The following GFRA2 variants were observed in gnomAD, a reference collection of about 807,000 sequenced individuals.
The protein encoded by GFRA2 is GDNF family receptor alpha 2, also known as GDNF family receptor alpha-2.
In GFRA2, 17 loss-of-function variants were observed where a neutral mutation model predicts 48.3. The ratio of observed to expected loss-of-function variants is 0.35; its 90% CI spans 0.24 to 0.53. GFRA2 has a LOEUF of 0.53. GFRA2 is among the 20% of genes least tolerant of loss of function. The pLI, the probability that GFRA2 is intolerant of heterozygous loss-of-function variation, is 0.93. For missense variants in GFRA2, 660 were observed against 637.3 expected, an observed-to-expected ratio of 1.04 and a Z score of -0.38; for synonymous variants, 305 against 257.2, an observed-to-expected ratio of 1.19 and a Z score of -1.78.
intron 2 of GFRA2, among the ~76,000 whole-genome samples, chr8:21,777,591 G>A (rs977936962): frequency 2.6e-5 from 4 of 152,286 alleles, no homozygotes; most frequent in South Asian, 2.1e-4. Context: ...CTTCACCTTC[G>A]GACCAAAGAA....
intron 2 of GFRA2, among the ~76,000 whole-genome samples, chr8:21,778,213 A>G (rs111636748): frequency 0.064 from 9,510 of 148,164 alleles, 296 homozygotes; most frequent in Non-Finnish European, 0.073. Context: ...TTATCAAGGA[A>G]CAGGGAGGAA....
In GFRA2 at chr8:21,750,689, C is replaced by G. The variant is rs756617946; in HGVS notation, c.693G>C (p.Glu231Asp). 1.9e-6 allele frequency: 3 copies of G among 1,613,780 alleles called. No individual in the cohort carries two copies. Among genetic ancestry groups the G allele is most frequent in the Non-Finnish European group, 2.5e-6 (3 of 1,179,810 alleles). ...TGGGCAGGATGGTTTGCCGGCGGCG[C>G]TCAGCGCACGCCTGGTCTTGGCAGG... The part of the protein sequence containing the change: ...FCSCQDQACA[E>D]RRRQTILPSC... The change falls in exon 4 of 9, where the codon GAG becomes GAC. Residue 231 changes from glutamate to aspartate, a missense_variant. Coordinates refer to ENST00000524240, the MANE Select transcript of GFRA2 (RefSeq NM_001495.5). This position sits in a 1 kb window ranked among gnomAD's most constrained non-coding sequence, Gnocchi z 5.7.
chr8:21,761,957 AT>A (rs1805933400), intron 3 of GFRA2, among the ~76,000 whole-genome samples: 1 of 151,764 alleles, frequency 6.6e-6, no homozygotes, highest in African/African-American at 2.4e-5. Context: ...GTCTAAAAAA[AT>A]TAAAAAAATT....
chr8:21,807,910 GAT>G (rs1397726557), intron 1 of GFRA2, among the ~76,000 whole-genome samples: 1 of 152,168 alleles, frequency 6.6e-6, no homozygotes, highest in Non-Finnish European at 1.5e-5. Context: ...ACTGTGCTCT[GAT>G]AAGAAAAATT....
intron 4 of GFRA2, among the ~76,000 whole-genome samples, chr8:21,743,570 T>C (rs1038371228): frequency 3.3e-5 from 5 of 152,168 alleles, no homozygotes; most frequent in African/African-American, 9.7e-5. Context: ...CTCTACCTAC[T>C]TCATTAACTC....
chr8:21,802,865 A>G (rs1807795802), intron 2 of GFRA2, among the ~76,000 whole-genome samples: 1 of 152,222 alleles, frequency 6.6e-6, no homozygotes, highest in Non-Finnish European at 1.5e-5. Flanking sequence ...AGCTCTTCCC[A>G]GGAGGTACTT....
chr8:21,769,665 TCA>T (rs199901066), intron 3 of GFRA2, among the ~76,000 whole-genome samples: 33,087 of 151,828 alleles, frequency 0.22, 3,715 homozygotes, highest in Middle Eastern at 0.26. Flanking sequence ...AAGCACAGTG[TCA>T]CACACACACG....
upstream of GFRA2, chr8:21,790,061 C>T (rs1807520373): frequency 1.0e-6 from 1 of 985,034 alleles, no homozygotes; most frequent in African/African-American, 1.7e-5. Context: ...GTCGGTGGGC[C>T]GGGCTCACCG....
At chr8:21,725,212 C>A (rs1803805568) in intron 4 of GFRA2, among the ~76,000 whole-genome samples, 1 of 152,264 alleles carries the variant, frequency 6.6e-6, no homozygotes, top group South Asian at 2.1e-4. Context: ...TTCCTGACTT[C>A]CTCTTGAAGC....
chr8:21,782,369 C>T (rs976587711), intron 2 of GFRA2, among the ~76,000 whole-genome samples: 41 of 150,554 alleles, frequency 2.7e-4, no homozygotes, highest in African/African-American at 9.3e-4. Flanking sequence ...GTTGCTTCTG[C>T]CTCCTCTTTG....
chr8:21,713,927 T>TA (rs937359708), intron 4 of GFRA2, among the ~76,000 whole-genome samples: 5 of 151,826 alleles, frequency 3.3e-5, no homozygotes, highest in Admixed American at 6.6e-5. Flanking sequence ...GGCTTACCCA[T>TA]AAAAAAAAGC....
rs1806623545 is a variant in GFRA2 at position 21,774,955 on chromosome 8, A to C, written c.439+17T>G. 1.4e-6 allele frequency: 2 copies of C among 1,448,076 alleles called. No individual in the cohort carries two copies. The highest frequency in any genetic ancestry group is 1.9e-6 in the Non-Finnish European group (2 of 1,029,574). 89.7% of individuals were successfully genotyped at this position (1,448,076 alleles called of 1,614,324 possible). A position where few individuals can be genotyped will look rare whatever the true frequency, so the allele number is the denominator to read the frequency against. On this transcript the variant is annotated intron_variant, in intron 3 of 8. Transcript: ENST00000524240. ...ACGAGAGGAGAACGGGCCAAGTCCCAGTGCGAGCTCACTTACCTGAGAAGA... is the reference window on the plus strand; with the variant it reads ...ACGAGAGGAGAACGGGCCAAGTCCCCGTGCGAGCTCACTTACCTGAGAAGA...
Position 21,706,009 on chromosome 8 carries a change from C to G in GFRA2, c.827G>C (p.Arg276Pro), listed in dbSNP as rs1026794849. ...SRLADFHANC[R>P]ASYQTVTSCP... is the part of the protein sequence containing the mutation. ...GCTGGTGACCGTCTGGTAGGAGGCT[C>G]GACAATTGGCATGGAAGTCGGCCAG... The change falls in exon 5 of 9, where the codon CGA becomes CCA. Residue 276 changes from arginine (R) to proline (P), a missense_variant. Transcript: ENST00000524240. 4 of 1,578,354 alleles carry G rather than the reference C, an allele frequency of 2.5e-6. No homozygotes were observed. Among genetic ancestry groups the G allele is most frequent in the Non-Finnish European group, 3.4e-6 (4 of 1,161,838 alleles).
chr8:21,746,441 T>C (rs1378165239), intron 4 of GFRA2, among the ~76,000 whole-genome samples: 4 of 151,876 alleles, frequency 2.6e-5, no homozygotes, highest in African/African-American at 9.7e-5. Context: ...AAAGAGGGAT[T>C]GGAAGAATGC....
chr8:21,754,450 G>A (rs1306543890), intron 3 of GFRA2, among the ~76,000 whole-genome samples: 2 of 151,596 alleles, frequency 1.3e-5, no homozygotes, highest in Non-Finnish European at 2.9e-5. Context: ...GATGATCAAC[G>A]AAGACTAAGC....
At chr8:21,795,056 C>T (rs1221815558) in intron 2 of GFRA2, among the ~76,000 whole-genome samples, 2 of 152,228 alleles carry the variant, frequency 1.3e-5, no homozygotes, top group African/African-American at 2.4e-5. Context: ...TCGCAGACCT[C>T]TCTGCAGCCC....
intron 2 of GFRA2, among the ~76,000 whole-genome samples, chr8:21,802,752 G>A (rs1807793669): frequency 6.6e-6 from 1 of 152,132 alleles, no homozygotes; most frequent in South Asian, 2.1e-4. Context: ...AAGCTATGGT[G>A]GTAGAATTAT....
At chr8:21,714,023 G>A (rs189856644) in intron 4 of GFRA2, among the ~76,000 whole-genome samples, 16 of 152,210 alleles carry the variant, frequency 1.1e-4, no homozygotes, top group Middle Eastern at 3.4e-3. Flanking sequence ...CACACCTATC[G>A]CCACGGAGAC....
At chr8:21,739,467 C>A (rs147172686) in intron 4 of GFRA2, among the ~76,000 whole-genome samples, 16 of 152,296 alleles carry the variant, frequency 1.1e-4, no homozygotes, top group Middle Eastern at 3.4e-3. Flanking sequence ...AATCCAGGAC[C>A]CCTTCCCCCT....
Sources: gnomAD v4.1 joint callset for allele counts (sites outside exome capture counted in the v4.1 genomes callset) on GRCh38, gnomAD v4.1.1 for gene constraint, Gnocchi (gnomAD v3.1) non-coding constraint, MANE v1.5 for transcripts, NCBI Gene and HGNC (gene_info 2026-07-23, HGNC 2026-07-21) for gene names.